BUD13: variants seen among roughly 807,000 people sequenced by gnomAD.
BUD13 encodes the protein BUD13 homolog.
In BUD13, 47 loss-of-function variants were observed where a neutral mutation model predicts 62.5. That is an observed-to-expected ratio of 0.75 (90% CI 0.60 to 0.96). The LOEUF is 0.96. Ranked by LOEUF, BUD13 falls within the 40% of genes least tolerant of loss-of-function variation. The pLI is 0.00. For synonymous variants in BUD13, 293 were observed against 280.1 expected, an observed-to-expected ratio of 1.05 and a Z score of -0.46; for missense variants, 821 against 790.9, an observed-to-expected ratio of 1.04 and a Z score of -0.46.
intron 9 of BUD13, among the ~76,000 whole-genome samples, chr11:116,756,143 G>A (rs1403450566): frequency 2.6e-5 from 4 of 152,078 alleles, no homozygotes; most frequent in Non-Finnish European, 4.4e-5. Context: ...GGGAAGTGGA[G>A]ATTGCACCAC....
At chr11:116,759,288 C>T (rs1187237126) in intron 5 of BUD13, 109 bp from the exon 6 acceptor site, 9 of 688,358 alleles carry the variant, frequency 1.3e-5, no homozygotes, top group Non-Finnish European at 1.8e-5. Flanking sequence ...ATAATTAAAC[C>T]TAAAACTCTA....
rs1196522985 is a variant in BUD13 at position 116,748,569 on chromosome 11, A to G, written c.1773T>C (p.Asn591=). The G allele has an allele frequency of 6.2e-7, 1 of 1,614,214 alleles. No homozygotes were observed. Among genetic ancestry groups the G allele is most frequent in the African/African-American group, 1.3e-5 (1 of 75,052 alleles). ...TGGCAAAGCGCTTCTGTTCAAATCC[A>G]TTGGATCTGCAATCAAAAGAGACAT... ...GYRWDGVDRS[N]GFEQKRFARL... is the part of the protein sequence containing the mutation. The change falls in exon 10 of 10, where the codon AAT becomes AAC. Residue 591 remains asparagine, a synonymous_variant. Coordinates refer to ENST00000260210, the MANE Select transcript of BUD13 (RefSeq NM_032725.4).
intron 3 of BUD13, among the ~76,000 whole-genome samples, chr11:116,764,885 C>T (rs1401994630): frequency 3.9e-5 from 6 of 152,072 alleles, no homozygotes; most frequent in Non-Finnish European, 8.8e-5. Flanking sequence ...GAGGGTAATG[C>T]ACTATAAAAC....
At chr11:116,755,555 G>T in intron 9 of BUD13, among the ~76,000 whole-genome samples, 1 of 152,180 alleles carries the variant, frequency 6.6e-6, no homozygotes, top group Non-Finnish European at 1.5e-5. Flanking sequence ...GAGTTTTTGT[G>T]TAACATTAAG....
At chr11:116,754,976 A>G (rs1303835698) in intron 9 of BUD13, among the ~76,000 whole-genome samples, 1 of 152,246 alleles carries the variant, frequency 6.6e-6, no homozygotes, top group East Asian at 1.9e-4. Flanking sequence ...AAGTGACCAG[A>G]CAGGTAAATA....
At chr11:116,756,563 T>C (rs1455849233) in intron 9 of BUD13, among the ~76,000 whole-genome samples, 1 of 152,026 alleles carries the variant, frequency 6.6e-6, no homozygotes, top group Non-Finnish European at 1.5e-5. Context: ...TTAAGAATTA[T>C]TGTGCTAGAT....
chr11:116,764,376 T>G (rs1940491571), intron 3 of BUD13, among the ~76,000 whole-genome samples: 1 of 152,142 alleles, frequency 6.6e-6, no homozygotes, highest in East Asian at 1.9e-4. Context: ...GAGAAAAGTA[T>G]GATGTCTGTG....
intron 1 of BUD13, 97 bp from the exon 2 acceptor site, chr11:116,770,319 G>T: frequency 2.0e-6 from 2 of 983,554 alleles, no homozygotes; most frequent in South Asian, 1.7e-5. Context: ...AATCCTACAG[G>T]ATCCTGCATG....
intron 2 of BUD13, among the ~76,000 whole-genome samples, chr11:116,768,232 C>G (rs1226855981): frequency 6.6e-6 from 1 of 152,014 alleles, no homozygotes; most frequent in Non-Finnish European, 1.5e-5. Flanking sequence ...TAAGTGGAAA[C>G]AATCCATGTA....
At position 116,757,797 on chromosome 11, in the gene BUD13, C is replaced by T. The variant is rs749183165; in HGVS notation, c.1653G>A (p.Lys551=). ...TATTCTTGTTCTCCTTGGCCTTATT[C>T]TTCTTGATGAAGTTGGCCATAGGGT... is the stretch of plus-strand genomic sequence containing the variant. ...EGDPMANFIK[K]NKAKENKNKK... Residue 551 remains lysine (K), a synonymous_variant, in exon 8 of 10, where the codon AAG becomes AAA. Coordinates refer to ENST00000260210, the MANE Select transcript of BUD13 (RefSeq NM_032725.4). 1.5e-5 allele frequency: 25 copies of T among 1,613,498 alleles called. No homozygotes were observed. The East Asian group carries it at 5.6e-4, about 36-fold the overall frequency.
chr11:116,760,442 G>T (rs929127698), intron 5 of BUD13, among the ~76,000 whole-genome samples: 1 of 152,194 alleles, frequency 6.6e-6, no homozygotes, highest in African/African-American at 2.4e-5. Flanking sequence ...ACAGTCCTCG[G>T]TTTATTCCTA....
Position 116,762,928 on chromosome 11 carries a change from C to T in BUD13, c.661G>A (p.Asp221Asn), listed in dbSNP as rs1314174731. Reference protein sequence around the residue: ...SGASPRRVRHDSPDPSPPRRA... With the variant: ...SGASPRRVRHNSPDPSPPRRA... ...CTAGGAGGAGAGGGATCTGGTGAAT[C>T]ATGACGGACTCTCCTAGGAGATGCA... Residue 221 changes from aspartate to asparagine, a missense_variant, in exon 4 of 10, where the codon GAT (aspartate) becomes AAT (asparagine). Physicochemically the swap from Asp to Asn is conservative, Grantham distance 23. Around this residue, in one of 2 missense-constraint regions of BUD13, gnomAD observed 800 missense variants for 739.2 expected, o/e 1.08. Coordinates refer to ENST00000260210, the MANE Select transcript of BUD13 (RefSeq NM_032725.4). 6.2e-7 allele frequency: 1 copy of T among 1,614,036 alleles called. No individual in the cohort carries two copies. The highest frequency in any genetic ancestry group is 2.2e-5 in the East Asian group (1 of 44,870).
chr11:116,748,695 AT>A, intron 9 of BUD13, 120 bp from the exon 10 acceptor site: 1 of 1,089,666 alleles, frequency 9.2e-7, no homozygotes, highest in Non-Finnish European at 1.3e-6. Flanking sequence ...ATATGAAAAT[AT>A]TTTAGGCATG....
rs189942409 is a variant in BUD13 at position 116,760,911 on chromosome 11, G to T, written c.1078C>A (p.Arg360=). 6.2e-7 allele frequency: 1 copy of T among 1,613,974 alleles called. No homozygotes were observed. Among genetic ancestry groups the T allele is most frequent in the African/African-American group, 1.3e-5 (1 of 74,900 alleles). The change falls in exon 5 of 10, where the codon CGG becomes AGG. Residue 360 remains arginine (R), a synonymous_variant. Coordinates refer to ENST00000260210, the MANE Select transcript of BUD13 (RefSeq NM_032725.4). The stretch of plus-strand genomic sequence containing the variant: ...TGGTGCCCTGGACTTTGTTTATGCC[G>T]TGGAGAAGAAAGGTCTGAATCAGTT... ...KATDSDLSSP[R]HKQSPGHQDS...
intron 2 of BUD13, among the ~76,000 whole-genome samples, chr11:116,766,762 G>A (rs966465643): frequency 6.6e-6 from 1 of 152,186 alleles, no homozygotes; most frequent in Non-Finnish European, 1.5e-5. Context: ...ATTATTACTG[G>A]TGGTGGTGGT....
chr11:116,757,044 C>T (rs1940338591), intron 9 of BUD13, 102 bp downstream of exon 9: 1 of 1,131,336 alleles, frequency 8.8e-7, no homozygotes, highest in African/African-American at 1.6e-5. Flanking sequence ...ATATTTTTCA[C>T]CTTGTGATTA....
In BUD13 at chr11:116,762,866, G is replaced by T. The variant is rs143350651; in HGVS notation, c.723C>A (p.Pro241=). 2 of 1,613,804 alleles carry T rather than the reference G, an allele frequency of 1.2e-6. No individual in the cohort carries two copies. Among genetic ancestry groups the T allele is most frequent in the East Asian group, 2.2e-5 (1 of 44,844 alleles). ...ARHGSSDISS[P]RRVHNNSPDT... ...CAGGGGAGTTGTTATGGACCCTTCT[G>T]GGGGAAGAGATATCTGAGGAACCAT... The change falls in exon 4 of 10, where the codon CCC becomes CCA. Residue 241 remains proline (P), a synonymous_variant. Transcript: ENST00000260210.
chr11:116,751,583 G>A lies in BUD13; in HGVS notation c.1767-3008C>T, dbSNP rs74368849. ...GCGGAGGTTCCAGTGAGCCAAGATC[G>A]TGCCATTTTGCACTCCAGCCTGAGC... On this transcript the variant is annotated intron_variant, in intron 9 of 9. Transcript: ENST00000260210. Among the ~76,000 whole-genome samples, 782 of 151,992 alleles carry A rather than the reference G, an allele frequency of 5.1e-3. 16 individuals are homozygous for A. The East Asian group carries it at 0.069, about 13-fold the overall frequency.
intron 4 of BUD13, 39 bp from the exon 5 acceptor site, chr11:116,760,991 T>C (rs3825041): frequency 0.92 from 1,423,378 of 1,550,870 alleles, 655,046 homozygotes; most frequent in African/African-American, 0.99. Context: ...TCTGATGTCC[T>C]CTAGGTGAAG....
Sources: allele counts gnomAD v4.1 joint callset (sites outside exome capture counted in the v4.1 genomes callset), GRCh38; gene constraint gnomAD v4.1.1; regional missense constraint gnomAD v4.1.1; transcripts MANE v1.5; gene names NCBI Gene and HGNC (gene_info 2026-07-23, HGNC 2026-07-21).